Variants in GRIN2B observed in about 807,000 individuals in gnomAD.
GRIN2B encodes the protein glutamate ionotropic receptor NMDA type subunit 2B.
GRIN2B carries 5 observed loss-of-function variants against 114.5 expected under a neutral mutation model. The observed-to-expected ratio is 0.04, with a 90% confidence interval of 0.02 to 0.09. The LOEUF (loss-of-function observed/expected upper bound fraction) is 0.09. Ranked by LOEUF, GRIN2B falls within the 10% of genes least tolerant of loss-of-function variation. The pLI, the probability that GRIN2B is intolerant of heterozygous loss-of-function variation, is 1.00. For synonymous variants in GRIN2B, 787 were observed against 745.1 expected (o/e 1.06, Z -0.92); for missense variants, 1,108 against 1,943.5 (o/e 0.57, Z 8.08).
chr12:13,579,079 CTT>C (rs1948812133), intron 10 of GRIN2B, among the ~76,000 whole-genome samples: 1 of 152,124 alleles, frequency 6.6e-6, no homozygotes, highest in Non-Finnish European at 1.5e-5. Context: ...GGGGCTAAGA[CTT>C]AACCATTTAA....
intron 10 of GRIN2B, among the ~76,000 whole-genome samples, chr12:13,604,954 C>G (rs1949216446): frequency 6.6e-6 from 1 of 151,002 alleles, no homozygotes; most frequent in Non-Finnish European, 1.5e-5. Flanking sequence ...ACAAAGTAAA[C>G]AGCTGTTAAG....
At chr12:13,927,317 C>T (rs1006039746) in intron 2 of GRIN2B, among the ~76,000 whole-genome samples, 1 of 152,082 alleles carries the variant, frequency 6.6e-6, no homozygotes, top group East Asian at 1.9e-4. Context: ...GAGCTGCTAT[C>T]GGGGGTTTAA....
intron 3 of GRIN2B, among the ~76,000 whole-genome samples, chr12:13,798,879 C>T (rs1003593137): frequency 2.0e-5 from 3 of 152,198 alleles, no homozygotes; most frequent in African/African-American, 4.8e-5. Flanking sequence ...GGCCTCCTTA[C>T]ATTCAAAAAG....
intron 3 of GRIN2B, among the ~76,000 whole-genome samples, chr12:13,778,250 A>T (rs1864042203): frequency 6.6e-6 from 1 of 152,124 alleles, no homozygotes; most frequent in East Asian, 1.9e-4. Context: ...CCCACTCTGA[A>T]TCCCCTCAAA....
chr12:13,949,241 C>T (rs1444395732), intron 2 of GRIN2B, among the ~76,000 whole-genome samples: 2 of 152,134 alleles, frequency 1.3e-5, no homozygotes, highest in East Asian at 3.9e-4. Flanking sequence ...GGACAGCAAG[C>T]AAACCTCAGC....
chr12:13,751,762 T>G (rs1346156409), intron 4 of GRIN2B, among the ~76,000 whole-genome samples: 1 of 151,878 alleles, frequency 6.6e-6, no homozygotes, highest in Non-Finnish European at 1.5e-5. Flanking sequence ...AAGGGAGAGG[T>G]TGCAACCAGA....
rs1806211 is a variant in GRIN2B, at chr12:13,569,783, G to T, written c.2359+47C>A. The T allele has an allele frequency of 9.0e-3, 10,547 of 1,174,562 alleles. 677 individuals carry two copies. The African/African-American group carries it at 0.14, about 16-fold the overall frequency. The allele number at this position is 1,174,562 out of a possible 1,614,324, so 72.8% of individuals were successfully genotyped here. On this transcript the variant is annotated intron_variant, in intron 12 of 13. Transcript: ENST00000609686. ...AAAGGAAAGGTTGATGTTTTGGACT[G>T]GCCATCAGTAGAGGACAAATGGGCA... is the stretch of plus-strand genomic sequence containing the variant.
At chr12:13,782,432 T>A (rs1165959338) in intron 3 of GRIN2B, among the ~76,000 whole-genome samples, 4 of 152,210 alleles carry the variant, frequency 2.6e-5, no homozygotes, top group African/African-American at 4.8e-5. Flanking sequence ...AATATCCAGA[T>A]GATCTTTGCC....
chr12:13,564,166 G>A lies in GRIN2B; in HGVS notation c.3072C>T (p.Asp1024=), dbSNP rs1211046737. Residue 1024 remains aspartate, a synonymous_variant, in exon 14 of 14, where the codon GAC becomes GAT. Transcript: ENST00000609686. The surrounding 1 kb of genome is among the most constrained non-coding windows in gnomAD (Gnocchi z 4.8). ...QSRSISKKPL[D]IGLPSSKHSQ... is the part of the protein sequence containing the mutation. The stretch of plus-strand genomic sequence containing the variant: ...TGTGCTTGGAGGAGGGGAGGCCGAT[G>A]TCCAGGGGCTTCTTGCTGATGGACC... The A allele has an allele frequency of 6.2e-7, 1 of 1,614,170 alleles. No homozygotes were observed. Among genetic ancestry groups the A allele is most frequent in the Non-Finnish European group, 8.5e-7 (1 of 1,180,028 alleles).
chr12:13,647,572 C>T (rs747100050), intron 5 of GRIN2B, among the ~76,000 whole-genome samples: 1 of 152,050 alleles, frequency 6.6e-6, no homozygotes, highest in Non-Finnish European at 1.5e-5. Context: ...GTAGTCTGTT[C>T]CTCTCCCCAT....
chr12:13,619,346 A>G (rs1349030670), intron 5 of GRIN2B, among the ~76,000 whole-genome samples: 2 of 152,256 alleles, frequency 1.3e-5, no homozygotes, highest in African/African-American at 2.4e-5. Context: ...TAACAATGGT[A>G]TATTTATAGA....
intron 5 of GRIN2B, chr12:13,670,281 G>C: frequency 6.6e-6 from 1 of 152,156 alleles, no homozygotes; most frequent in East Asian, 1.9e-4. Flanking sequence ...AAGGAAGGGA[G>C]TTTTCTGGTA....
chr12:13,893,406 A>T (rs1866297913), intron 2 of GRIN2B, among the ~76,000 whole-genome samples: 1 of 152,174 alleles, frequency 6.6e-6, no homozygotes, highest in Non-Finnish European at 1.5e-5. Context: ...AAAATAGAAA[A>T]ATCCTTAAAT....
chr12:13,730,461 A>T (rs1398356942), intron 4 of GRIN2B, among the ~76,000 whole-genome samples: 2 of 152,192 alleles, frequency 1.3e-5, no homozygotes, highest in African/African-American at 4.8e-5. Context: ...GCACAAATAC[A>T]GTACAAAGCC....
intron 10 of GRIN2B, among the ~76,000 whole-genome samples, chr12:13,579,843 G>A (rs1027055663): frequency 1.3e-5 from 2 of 152,176 alleles, no homozygotes; most frequent in Non-Finnish European, 2.9e-5. Context: ...AGAGGTGCAC[G>A]CCATTGACAT....
intron 3 of GRIN2B, among the ~76,000 whole-genome samples, chr12:13,858,310 C>A (rs1406102018): frequency 6.6e-6 from 1 of 152,118 alleles, no homozygotes; most frequent in Non-Finnish European, 1.5e-5. Flanking sequence ...TCTTCTTTGT[C>A]CGTGTAAAAT....
chr12:13,699,077 C>T (rs1950287565), intron 4 of GRIN2B, among the ~76,000 whole-genome samples: 1 of 152,154 alleles, frequency 6.6e-6, no homozygotes, highest in African/African-American at 2.4e-5. Context: ...TAGGCACATG[C>T]TATGATGACA....
chr12:13,839,014 T>A (rs1865331633), intron 3 of GRIN2B, among the ~76,000 whole-genome samples: 1 of 152,190 alleles, frequency 6.6e-6, no homozygotes, highest in African/African-American at 2.4e-5. Context: ...CTGAACCACT[T>A]TTTTTGCCAG....
At chr12:13,688,175 G>A (rs1950187294) in intron 4 of GRIN2B, among the ~76,000 whole-genome samples, 1 of 152,142 alleles carries the variant, frequency 6.6e-6, no homozygotes, top group Admixed American at 6.6e-5. Flanking sequence ...TAAGAACAAT[G>A]TTGTCAAGAG....
Sources: gnomAD v4.1 joint callset for allele counts (sites outside exome capture counted in the v4.1 genomes callset) on GRCh38, gnomAD v4.1.1 for gene constraint, Gnocchi (gnomAD v3.1) non-coding constraint, MANE v1.5 for transcripts, NCBI Gene and HGNC (gene_info 2026-07-23, HGNC 2026-07-21) for gene names.